Variants in QRICH1 observed in about 807,000 individuals in gnomAD.
QRICH1 encodes the protein glutamine rich 1.
Under a neutral mutation model 87.1 loss-of-function variants are expected in QRICH1, and 16 were observed. That is an observed-to-expected ratio of 0.18 (90% CI 0.12 to 0.28). QRICH1 has a LOEUF of 0.28. Among genes scored for constraint, QRICH1 ranks in the 10% least tolerant of loss-of-function variants. The pLI, the probability that QRICH1 is intolerant of heterozygous loss-of-function variation, is 1.00. For synonymous variants in QRICH1, 367 were observed against 368.4 expected, an observed-to-expected ratio of 1.00 and a Z score of 0.05; for missense variants, 647 against 951.7, an observed-to-expected ratio of 0.68 and a Z score of 4.21.
At position 49,056,993 on chromosome 3, in the gene QRICH1, C is replaced by T. The variant is rs764177484; in HGVS notation, c.1207G>A (p.Ala403Thr). 6.2e-7 allele frequency: 1 copy of T among 1,614,080 alleles called. No individual in the cohort carries two copies. The highest frequency in any genetic ancestry group is 8.5e-7 in the Non-Finnish European group (1 of 1,180,048). Residue 403 changes from alanine (A) to threonine (T), a missense_variant, in exon 3 of 10, where the codon GCA becomes ACA. By Grantham distance (58) the Ala-to-Thr change is moderately conservative. Around this residue, in one of 7 missense-constraint regions of QRICH1, gnomAD observed 115 missense variants for 126.8 expected, o/e 0.91. Coordinates refer to ENST00000395443, the MANE Select transcript of QRICH1 (RefSeq NM_198880.3). Reference protein sequence around the residue: ...IHIPVAVQAVAGTYQNTAQTV... With the variant: ...IHIPVAVQAVTGTYQNTAQTV... ...TGAGCCGTATTCTGGTACGTGCCTG[C>T]CACAGCCTGCACAGCCACTGGAATG...
intron 8 of QRICH1, 80 bp from the exon 9 acceptor site, chr3:49,032,353 T>C: frequency 9.1e-7 from 1 of 1,103,476 alleles, no homozygotes; most frequent in African/African-American, 1.6e-5. Context: ...AACTTAGGCT[T>C]TCAGCCAGCC....
intron 2 of QRICH1, among the ~76,000 whole-genome samples, chr3:49,064,014 C>G (rs897552508): frequency 6.6e-6 from 1 of 151,934 alleles, no homozygotes; most frequent in East Asian, 1.9e-4. Flanking sequence ...TCAAGCGATT[C>G]TCTTGCCTCA....
At chr3:49,082,647 G>T (rs1381280023) in intron 1 of QRICH1, among the ~76,000 whole-genome samples, 4 of 152,064 alleles carry the variant, frequency 2.6e-5, no homozygotes, top group Non-Finnish European at 1.5e-5. Context: ...TGTAATCCCA[G>T]CACTTTGGGA....
At chr3:49,073,734 C>A (rs2041893377) in intron 2 of QRICH1, among the ~76,000 whole-genome samples, 1 of 151,596 alleles carries the variant, frequency 6.6e-6, no homozygotes, top group East Asian at 2.0e-4. Flanking sequence ...GTAACCTCCA[C>A]CTCCCAGGCT....
At chr3:49,073,521 C>G (rs1022706654) in intron 2 of QRICH1, among the ~76,000 whole-genome samples, 1 of 149,916 alleles carries the variant, frequency 6.7e-6, no homozygotes. Flanking sequence ...GCCTGGGTGA[C>G]ACAGTGGGAC....
chr3:49,081,262 TA>T (rs1005295769), intron 1 of QRICH1, among the ~76,000 whole-genome samples: 2 of 151,618 alleles, frequency 1.3e-5, no homozygotes, highest in African/African-American at 4.8e-5. Flanking sequence ...ACTAAAAATA[TA>T]AAAATTAGCC....
chr3:49,033,388 C>T lies in QRICH1; in HGVS notation c.1787-160G>A, dbSNP rs577596843. The stretch of plus-strand genomic sequence containing the variant: ...AAATCATCTGGAAAGCTTCTTAAAA[C>T]ACAGATAGCTGGGTCCCAATCTGTT... On this transcript the variant is annotated intron_variant, in intron 6 of 9. Transcript: ENST00000395443. The T allele has an allele frequency of 8.1e-5, 34 of 418,946 alleles. 1 individual carries two copies. The South Asian group carries it at 2.7e-3, about 33-fold the overall frequency. The allele number at this position is 418,946 out of a possible 1,614,324, so 26.0% of individuals were successfully genotyped here.
intron 6 of QRICH1, among the ~76,000 whole-genome samples, chr3:49,041,085 A>G (rs2093307022): frequency 6.6e-6 from 1 of 152,094 alleles, no homozygotes; most frequent in South Asian, 2.1e-4. Context: ...TTATTGCCTC[A>G]GCCTCCCAAG....
At chr3:49,047,902 G>A (rs1413122680) in intron 3 of QRICH1, among the ~76,000 whole-genome samples, 1 of 151,898 alleles carries the variant, frequency 6.6e-6, no homozygotes, top group Non-Finnish European at 1.5e-5. Flanking sequence ...ACTCCAGCCT[G>A]GTGATAGAGC....
rs1029737044 is a variant in QRICH1, at chr3:49,064,234, ATT to A, written c.310-6346_310-6345del. ...GCGTGAGCCACCATGGCTGGCCCTAATTTTTTTTTTTTTTTTTTTTTTTTGGA... is the reference window on the plus strand; with the variant it reads ...GCGTGAGCCACCATGGCTGGCCCTAATTTTTTTTTTTTTTTTTTTTTTGGA... On this transcript the variant is annotated intron_variant, in intron 2 of 9. Coordinates refer to ENST00000395443, the MANE Select transcript of QRICH1 (RefSeq NM_198880.3). Among the ~76,000 whole-genome samples, 22 of 92,308 alleles carry A rather than the reference ATT, an allele frequency of 2.4e-4. No homozygotes were observed. The East Asian group carries it at 2.5e-3, about 10-fold the overall frequency. The allele number at this position is 92,308 out of a possible 152,430, so 60.6% of individuals were successfully genotyped here. A position where few individuals can be genotyped will look rare whatever the true frequency, so the allele number is the denominator to read the frequency against.
intron 2 of QRICH1, among the ~76,000 whole-genome samples, chr3:49,068,466 T>A (rs79940553): frequency 7.9e-5 from 11 of 139,532 alleles, no homozygotes; most frequent in South Asian, 2.4e-4. Context: ...TCAAAAAAAT[T>A]AAAAAAAAAA....
intron 1 of QRICH1, among the ~76,000 whole-genome samples, chr3:49,082,634 G>A (rs1321409780): frequency 1.3e-5 from 2 of 151,990 alleles, no homozygotes; most frequent in South Asian, 2.1e-4. Context: ...GGTGGCTCAC[G>A]CCTGTAATCC....
intron 1 of QRICH1, among the ~76,000 whole-genome samples, chr3:49,092,948 G>T (rs1559961490): frequency 6.6e-6 from 1 of 152,174 alleles, no homozygotes; most frequent in Non-Finnish European, 1.5e-5. Flanking sequence ...TCCCACTTAC[G>T]CAAAAGAAAA....
At chr3:49,046,783 T>C (rs1390169441) in intron 4 of QRICH1, among the ~76,000 whole-genome samples, 2 of 152,314 alleles carry the variant, frequency 1.3e-5, no homozygotes, top group Middle Eastern at 3.4e-3. Context: ...TGCCTATCCC[T>C]GGTTCCCATT....
chr3:49,066,017 G>A (rs1008605616), intron 2 of QRICH1, among the ~76,000 whole-genome samples: 2 of 152,118 alleles, frequency 1.3e-5, no homozygotes, highest in African/African-American at 4.8e-5. Context: ...AGGAATGGTA[G>A]CTCATGCCTG....
At chr3:49,058,203 G>A (rs1436298681) in intron 2 of QRICH1, among the ~76,000 whole-genome samples, 1 of 152,056 alleles carries the variant, frequency 6.6e-6, no homozygotes. Context: ...AGGCTGGAAT[G>A]CAGTGGCGCA....
chr3:49,092,785 A>G lies in QRICH1; in HGVS notation c.-22+1127T>C, dbSNP rs2042301527. Among the ~76,000 whole-genome samples the G allele has an allele frequency of 2.6e-5, 4 of 152,242 alleles. No homozygotes were observed. The South Asian group carries it at 8.3e-4, about 31-fold the overall frequency. ...AAATCCTACACCAAAAGTGACTTTT[A>G]CAGTGATACACTATCAGATTTTAGT... is the stretch of plus-strand genomic sequence containing the variant. On this transcript the variant is annotated intron_variant, in intron 1 of 9. Transcript: ENST00000395443.
intron 1 of QRICH1, among the ~76,000 whole-genome samples, chr3:49,089,626 T>C (rs764101289): frequency 6.6e-6 from 1 of 152,216 alleles, no homozygotes; most frequent in Non-Finnish European, 1.5e-5. Context: ...AAATACCTTA[T>C]GGTGTATTCA....
chr3:49,081,327 G>GA (rs1405519842), intron 1 of QRICH1, among the ~76,000 whole-genome samples: 1 of 151,340 alleles, frequency 6.6e-6, no homozygotes, highest in Non-Finnish European at 1.5e-5. Flanking sequence ...TGAGACAGGA[G>GA]AATCACTTGA....
Sources: allele counts gnomAD v4.1 joint callset (sites outside exome capture counted in the v4.1 genomes callset), GRCh38; gene constraint gnomAD v4.1.1; regional missense constraint gnomAD v4.1.1; transcripts MANE v1.5; gene names NCBI Gene and HGNC (gene_info 2026-07-23, HGNC 2026-07-21).